Variants in RAD51B observed in about 807,000 individuals in gnomAD.
RAD51B encodes RAD51 paralog B, also known as DNA repair protein RAD51 homolog 2.
A neutral mutation model predicts 42.2 loss-of-function variants in RAD51B; 38 were observed. The observed-to-expected ratio is 0.90, with a 90% CI of 0.70 to 1.18. The LOEUF is 1.18. Among genes scored for constraint, RAD51B ranks in the 50% most tolerant of loss-of-function variants. RAD51B has a pLI of 0.00. For missense variants in RAD51B, 373 were observed against 400.7 expected, an observed-to-expected ratio of 0.93 and a Z score of 0.59; for synonymous variants, 154 against 145.2, an observed-to-expected ratio of 1.06 and a Z score of -0.43.
At chr14:68,219,734 A>G (rs2079887707) in intron 7 of RAD51B, among the ~76,000 whole-genome samples, 1 of 152,178 alleles carries the variant, frequency 6.6e-6, no homozygotes, top group Non-Finnish European at 1.5e-5. Flanking sequence ...CCCAAATGAG[A>G]AGGAACTAGA....
chr14:67,904,510 C>CTTTT (rs3043929), intron 7 of RAD51B, among the ~76,000 whole-genome samples: 1 of 120,242 alleles, frequency 8.3e-6, no homozygotes, highest in Non-Finnish European at 1.7e-5. Flanking sequence ...GGAATGTTGA[C>CTTTT]TTTTTTTTTT....
intron 9 of RAD51B, among the ~76,000 whole-genome samples, chr14:68,435,747 G>A (rs1450858500): frequency 6.6e-6 from 1 of 152,018 alleles, no homozygotes; most frequent in Non-Finnish European, 1.5e-5. Flanking sequence ...TCTCATTGTG[G>A]TTTTGATTTA....
At position 68,370,887 on chromosome 14, in the gene RAD51B, A is replaced by T. The variant is rs1243465110; in HGVS notation, c.854-40537A>T. Among the ~76,000 whole-genome samples, 4 of 151,690 alleles carry T rather than the reference A, an allele frequency of 2.6e-5. No individual in the cohort carries two copies. In the East Asian group the frequency reaches 7.8e-4, roughly 29 times the overall value. On this transcript the variant is annotated intron_variant, in intron 8 of 10. Coordinates refer to ENST00000471583, the MANE Select transcript of RAD51B (RefSeq NM_133510.4). ...ATCTCTACTAAAAATACAAAAAAAAATTAGCCGGACGTGGTGGCACACACC... is the reference window on the plus strand; with the variant it reads ...ATCTCTACTAAAAATACAAAAAAAATTTAGCCGGACGTGGTGGCACACACC...
intron 9 of RAD51B, among the ~76,000 whole-genome samples, chr14:68,451,294 G>T (rs1233589295): frequency 6.6e-6 from 1 of 152,136 alleles, no homozygotes; most frequent in Non-Finnish European, 1.5e-5. Flanking sequence ...ATTTCAGTCT[G>T]TGAGCTTATT....
rs529654559 is a variant in RAD51B, at chr14:68,315,591, T to G, written c.853+23611T>G. Among the ~76,000 whole-genome samples, 7 of 152,244 alleles carry G rather than the reference T, an allele frequency of 4.6e-5. No homozygotes were observed. In the South Asian group the frequency reaches 1.2e-3, roughly 27 times the overall value. Reference sequence around the variant, plus strand: ...GGCTGGAGTGCAGTGGCGTGATCTCTGCTCACTGCAAGCTCCACCTCCCGG... The same window carrying G: ...GGCTGGAGTGCAGTGGCGTGATCTCGGCTCACTGCAAGCTCCACCTCCCGG... On this transcript the variant is annotated intron_variant, in intron 8 of 10. Coordinates refer to ENST00000471583, the MANE Select transcript of RAD51B (RefSeq NM_133510.4).
intron 11 of RAD51B, among the ~76,000 whole-genome samples, chr14:68,665,626 C>T (rs1373853319): frequency 6.6e-6 from 1 of 152,152 alleles, no homozygotes; most frequent in Non-Finnish European, 1.5e-5. Flanking sequence ...GGTGATTATA[C>T]CAAACACATA....
At chr14:68,050,577 T>G (rs968083015) in intron 7 of RAD51B, among the ~76,000 whole-genome samples, 2 of 152,212 alleles carry the variant, frequency 1.3e-5, no homozygotes, top group Non-Finnish European at 2.9e-5. Context: ...GATAACTGTC[T>G]TTTTAGGCAT....
At chr14:68,147,705 A>G (rs2078281011) in intron 7 of RAD51B, among the ~76,000 whole-genome samples, 1 of 152,072 alleles carries the variant, frequency 6.6e-6, no homozygotes, top group South Asian at 2.1e-4. Flanking sequence ...GTTGTTCTTT[A>G]TATTTTAAAC....
At chr14:68,336,554 C>T (rs536354498) in intron 8 of RAD51B, among the ~76,000 whole-genome samples, 8 of 152,280 alleles carry the variant, frequency 5.3e-5, no homozygotes, top group South Asian at 2.1e-4. Flanking sequence ...TATTTTGATG[C>T]GCTCTGATCA....
chr14:67,902,391 G>A (rs1467756490), intron 7 of RAD51B, among the ~76,000 whole-genome samples: 2 of 152,090 alleles, frequency 1.3e-5, no homozygotes, highest in Non-Finnish European at 2.9e-5. Flanking sequence ...TCCATAACCA[G>A]CTAAATCTGA....
downstream of RAD51B, among the ~76,000 whole-genome samples, chr14:68,480,326 G>A (rs930734857): frequency 2.0e-5 from 3 of 152,046 alleles, no homozygotes; most frequent in Non-Finnish European, 4.4e-5. Flanking sequence ...ATCTGCCCTC[G>A]TCGGCCTCCC....
intron 7 of RAD51B, among the ~76,000 whole-genome samples, chr14:68,235,734 AG>A (rs2080240341): frequency 6.9e-6 from 1 of 143,946 alleles, no homozygotes; most frequent in Non-Finnish European, 1.5e-5. Flanking sequence ...AAAAAAAAAG[AG>A]CTGAGATCTT....
At chr14:68,397,617 G>T (rs1291878654) in intron 8 of RAD51B, among the ~76,000 whole-genome samples, 6 of 152,196 alleles carry the variant, frequency 3.9e-5, no homozygotes, top group Non-Finnish European at 7.3e-5. Flanking sequence ...CCTCCCTCCT[G>T]TGGCCCCAGT....
At position 67,869,479 on chromosome 14, in the gene RAD51B, C is replaced by T. The variant is rs536177555; in HGVS notation, c.452+4340C>T. Among the ~76,000 whole-genome samples, 327 of 152,092 alleles carry T rather than the reference C, an allele frequency of 2.2e-3. 2 individuals carry two copies. The highest frequency in any genetic ancestry group is 7.4e-3 in the African/African-American group (306 of 41,440). On this transcript the variant is annotated intron_variant, in intron 5 of 10. Coordinates refer to ENST00000471583, the MANE Select transcript of RAD51B (RefSeq NM_133510.4). ...GTCTGATTGGTGTACCTGAAAGTGACGGGGAGAATGGAACCAAGTTGGAAA... is the reference window on the plus strand; with the variant it reads ...GTCTGATTGGTGTACCTGAAAGTGATGGGGAGAATGGAACCAAGTTGGAAA...
intron 9 of RAD51B, among the ~76,000 whole-genome samples, chr14:68,414,359 T>A (rs973349050): frequency 6.6e-6 from 1 of 152,240 alleles, no homozygotes; most frequent in Non-Finnish European, 1.5e-5. Context: ...TTTTATTTAC[T>A]CTTTTCCTAC....
At chr14:68,560,702 C>T (rs1463348885) in intron 10 of RAD51B, among the ~76,000 whole-genome samples, 2 of 152,162 alleles carry the variant, frequency 1.3e-5, no homozygotes, top group Non-Finnish European at 2.9e-5. Flanking sequence ...CGCCACTGCA[C>T]TCCAGGCTGG....
At chr14:67,864,765 A>T (rs1266472670) in intron 4 of RAD51B, 3 of 661,844 alleles carry the variant, frequency 4.5e-6, no homozygotes, top group Admixed American at 4.3e-5. Context: ...GATTTGAGTG[A>T]CTATTTTCTC....
chr14:67,946,358 TG>T lies in RAD51B; in HGVS notation c.756+59155del, dbSNP rs545255543. On this transcript the variant is annotated intron_variant, in intron 7 of 10. Transcript: ENST00000471583. ...CCTGGTTAAAATAGTTCCTCTTTTT[TG>T]TTGTTGTTGTTGTTGTTGTTTTTTG... 5.5e-3 allele frequency among the ~76,000 whole-genome samples: 828 copies of T among 150,810 alleles called. 7 individuals carry two copies. The highest frequency in any genetic ancestry group is 0.019 in the African/African-American group (777 of 40,942).
At chr14:68,030,856 G>C (rs2140369649) in intron 7 of RAD51B, among the ~76,000 whole-genome samples, 1 of 152,268 alleles carries the variant, frequency 6.6e-6, no homozygotes, top group African/African-American at 2.4e-5. Context: ...TGAACACCTA[G>C]AGGCCACTGT....
Sources: gnomAD v4.1 joint callset for allele counts (sites outside exome capture counted in the v4.1 genomes callset) on GRCh38, gnomAD v4.1.1 for gene constraint, MANE v1.5 for transcripts, NCBI Gene and HGNC (gene_info 2026-07-23, HGNC 2026-07-21) for gene names.